SNX11: variants seen among roughly 807,000 people sequenced by gnomAD.
SNX11 encodes the protein sorting nexin-11.
SNX11 carries 19 observed loss-of-function variants against 30.7 expected under a neutral mutation model. The observed-to-expected ratio is 0.62, with a 90% CI of 0.43 to 0.91. The LOEUF is 0.91. Among genes scored for constraint, SNX11 ranks in the 40% least tolerant of loss-of-function variants. SNX11 has a pLI of 0.00. For synonymous variants in SNX11, 112 were observed against 119.0 expected, an observed-to-expected ratio of 0.94 and a Z score of 0.38; for missense variants, 302 against 326.7, an observed-to-expected ratio of 0.92 and a Z score of 0.58.
intron 1 of SNX11, chr17:48,111,161 T>C: frequency 1.0e-6 from 1 of 984,306 alleles, no homozygotes; most frequent in Non-Finnish European, 1.2e-6. Flanking sequence ...TTCCAGAGTA[T>C]GGATTGGATA....
chr17:48,114,878 G>T (rs554348359), intron 4 of SNX11, among the ~76,000 whole-genome samples: 1 of 151,480 alleles, frequency 6.6e-6, no homozygotes, highest in East Asian at 1.9e-4. Flanking sequence ...CGTTGCCCAG[G>T]CTGGTGTCGA....
At chr17:48,110,293 A>C (rs778386858) in intron 1 of SNX11, among the ~76,000 whole-genome samples, 4 of 152,208 alleles carry the variant, frequency 2.6e-5, no homozygotes, top group Non-Finnish European at 4.4e-5. Flanking sequence ...ATCAGATAAA[A>C]ATCAGATTGT....
At position 48,123,256 on chromosome 17, in the gene SNX11, A is replaced by C. The variant is rs2063616134; in HGVS notation, c.*1748A>C. 6.6e-6 allele frequency among the ~76,000 whole-genome samples: 1 copy of C among 152,208 alleles called. No individual in the cohort carries two copies. Among genetic ancestry groups the C allele is most frequent in the Non-Finnish European group, 1.5e-5 (1 of 68,042 alleles). On this transcript the variant is annotated 3_prime_UTR_variant, in exon 7 of 7. Coordinates refer to ENST00000359238, the MANE Select transcript of SNX11 (RefSeq NM_013323.3). ...CCCTCACAAAAACCCGACAGATGCT[A>C]AGCTAATGGCATCCGCTCTGCCGAT...
intron 4 of SNX11, among the ~76,000 whole-genome samples, chr17:48,114,443 C>T (rs1422244618): frequency 6.7e-6 from 1 of 150,158 alleles, no homozygotes; most frequent in Non-Finnish European, 1.5e-5. Flanking sequence ...CGTGAGGCAC[C>T]ATGCCCAGGC....
chr17:48,117,319 AT>A (rs2063556158), intron 4 of SNX11, among the ~76,000 whole-genome samples: 1 of 150,040 alleles, frequency 6.7e-6, no homozygotes, highest in Admixed American at 6.7e-5. Flanking sequence ...CAAGGGTACA[AT>A]CTCAGCTCAC....
intron 4 of SNX11, 114 bp downstream of exon 4, chr17:48,113,515 G>A (rs2063511765): frequency 1.4e-6 from 1 of 715,418 alleles, no homozygotes; most frequent in East Asian, 2.6e-5. Flanking sequence ...TAAGGAAATT[G>A]GGAAATATGT....
chr17:48,119,694 C>T (rs1188285702), intron 6 of SNX11, among the ~76,000 whole-genome samples: 2 of 151,256 alleles, frequency 1.3e-5, no homozygotes, highest in Non-Finnish European at 1.5e-5. Context: ...TTAGGTGATC[C>T]GCCTGCCTCT....
At position 48,112,077 on chromosome 17, in the gene SNX11, G is replaced by C. The variant is rs2063497955; in HGVS notation, c.34G>C (p.Glu12Gln). The C allele has an allele frequency of 6.2e-7, 1 of 1,613,754 alleles. No individual in the cohort carries two copies. The highest frequency in any genetic ancestry group is 1.3e-5 in the African/African-American group (1 of 75,032). The change falls in exon 2 of 7, where the codon GAA becomes CAA. Residue 12 changes from glutamate to glutamine, a missense_variant. Glu to Gln is a conservative substitution (Grantham distance 29, BLOSUM62 2). Transcript: ENST00000359238. ...TTGGTGTAGGATGTCGGAGAACCAAGAACAGGAGGTAAGAGTATGGTCTGC... is the reference window on the plus strand; with the variant it reads ...TTGGTGTAGGATGTCGGAGAACCAACAACAGGAGGTAAGAGTATGGTCTGC... ...GFWCRMSENQ[E>Q]QEEVITVRVQ... is the part of the protein sequence containing the mutation.
intron 4 of SNX11, among the ~76,000 whole-genome samples, chr17:48,117,509 G>A (rs1189557900): frequency 1.3e-5 from 2 of 151,096 alleles, no homozygotes; most frequent in African/African-American, 2.4e-5. Context: ...CACCCACCTC[G>A]GCCTCCCAAA....
chr17:48,121,322 A>C lies in SNX11; in HGVS notation c.627A>C (p.Pro209=). The change falls in exon 7 of 7, where the codon CCA becomes CCC. Residue 209 remains proline, a synonymous_variant. Transcript: ENST00000359238. Reference sequence around the variant, plus strand: ...AGGACCATTTAGAAGTGTGGGCTCCAGTTGTTGACTCTGAGGTTCCTTCCT... The same window carrying C: ...AGGACCATTTAGAAGTGTGGGCTCCCGTTGTTGACTCTGAGGTTCCTTCCT... ...EEKDHLEVWA[P]VVDSEVPSLE... 2.5e-6 allele frequency: 4 copies of C among 1,614,082 alleles called. No individual in the cohort carries two copies. Among genetic ancestry groups the C allele is most frequent in the Non-Finnish European group, 3.4e-6 (4 of 1,180,006 alleles).
intron 1 of SNX11, among the ~76,000 whole-genome samples, chr17:48,109,999 ACT>A (rs571835674): frequency 7.7e-5 from 1 of 12,904 alleles, no homozygotes. Flanking sequence ...TATGAGCTCC[ACT>A]GAGTGGATGA....
intron 6 of SNX11, 47 bp downstream of exon 6, chr17:48,119,233 C>T (rs749233765): frequency 3.5e-6 from 5 of 1,425,656 alleles, no homozygotes; most frequent in Non-Finnish European, 4.9e-6. Context: ...TTTGCTATAA[C>T]CTGGACCAGA....
intron 4 of SNX11, 58 bp downstream of exon 4, chr17:48,113,459 A>G: frequency 1.8e-6 from 2 of 1,100,436 alleles, no homozygotes; most frequent in Non-Finnish European, 1.4e-6. Flanking sequence ...GTGCTTATGT[A>G]GGAACTGGAG....
intron 1 of SNX11, 139 bp downstream of exon 1, chr17:48,107,977 A>C (rs1466733524): frequency 6.6e-6 from 1 of 152,180 alleles, no homozygotes; most frequent in South Asian, 2.1e-4. Context: ...ACCCGGGATT[A>C]AGGCAAGGGC....
At chr17:48,112,387 G>A (rs984228239) in intron 2 of SNX11, 187 bp from the exon 3 acceptor site, 6 of 659,832 alleles carry the variant, frequency 9.1e-6, no homozygotes, top group Non-Finnish European at 1.6e-5. Flanking sequence ...TGTCTGACAC[G>A]TAGTGGGGCT....
chr17:48,118,175 T>C (rs2063564087), intron 4 of SNX11, among the ~76,000 whole-genome samples: 1 of 152,246 alleles, frequency 6.6e-6, no homozygotes, highest in Non-Finnish European at 1.5e-5. Context: ...AGTGAGTTAA[T>C]ATCTTTCTCA....
rs2063568737 is a variant in SNX11, at chr17:48,118,684, T to C, written c.231-20T>C. ...TAGATGTTACACTTATCATGGGTGT[T>C]ATATCATGTGGCTGCACAGGCCTGT... is the stretch of plus-strand genomic sequence containing the variant. On this transcript the variant is annotated intron_variant, in intron 4 of 6. Transcript: ENST00000359238. 1 of 1,579,140 alleles carries C rather than the reference T, an allele frequency of 6.3e-7. No individual in the cohort carries two copies. Among genetic ancestry groups the C allele is most frequent in the East Asian group, 2.2e-5 (1 of 44,686 alleles).
In SNX11 at chr17:48,112,014, CCT is replaced by C. The variant is rs2063497090; in HGVS notation, c.-13-14_-13-13del. 3 of 1,601,626 alleles carry C rather than the reference CCT, an allele frequency of 1.9e-6. No homozygotes were observed. In the African/African-American group the frequency reaches 4.0e-5, roughly 21 times the overall value. On this transcript the variant is annotated splice_polypyrimidine_tract_variant and intron_variant, in intron 1 of 6. Coordinates refer to ENST00000359238, the MANE Select transcript of SNX11 (RefSeq NM_013323.3). ...AGGCATACTAACCTTGATCCTGTATCCTCTGTCCCTCATCAGATGTTTCCTTC... is the reference window on the plus strand; with the variant it reads ...AGGCATACTAACCTTGATCCTGTATCCTGTCCCTCATCAGATGTTTCCTTC...
At chr17:48,112,803 T>C (rs1427694196) in intron 3 of SNX11, 143 bp downstream of exon 3, 3 of 413,266 alleles carry the variant, frequency 7.3e-6, no homozygotes, top group Non-Finnish European at 1.3e-5. Context: ...TGATCTCGGC[T>C]TACTGCAACC....
Sources: allele counts gnomAD v4.1 joint callset (sites outside exome capture counted in the v4.1 genomes callset), GRCh38; gene constraint gnomAD v4.1.1; transcripts MANE v1.5; gene names NCBI Gene and HGNC (gene_info 2026-07-23, HGNC 2026-07-21).